TFAP2E: variants seen among roughly 807,000 people sequenced by gnomAD.
The protein encoded by TFAP2E is transcription factor AP-2-epsilon.
In TFAP2E, 30 loss-of-function variants were observed where a neutral mutation model predicts 37.9. That is an observed-to-expected ratio of 0.79 (90% CI 0.59 to 1.07). The LOEUF (loss-of-function observed/expected upper bound fraction) is 1.07. Ranked by LOEUF, TFAP2E falls within the 50% of genes least tolerant of loss-of-function variation. TFAP2E has a pLI of 0.00. For missense variants in TFAP2E, 567 were observed against 637.9 expected (o/e 0.89, Z 1.20); for synonymous variants, 318 against 295.8 (o/e 1.08, Z -0.77).
Position 35,573,909 on chromosome 1 carries a change from AC to A in TFAP2E, c.28-14del. On this transcript the variant is annotated splice_polypyrimidine_tract_variant and intron_variant, in intron 1 of 6. Transcript: ENST00000373235. The surrounding 1 kb of genome is among the most constrained non-coding windows in gnomAD (Gnocchi z 5.9). ...CAGCTGCCAGTGGGTCACCTAAGGC[AC>A]CCCTCTCCTTCCCCAGGAGCGCCCC... is the stretch of plus-strand genomic sequence containing the variant. 1 of 1,441,966 alleles carries A rather than the reference AC, an allele frequency of 6.9e-7. No homozygotes were observed. The highest frequency in any genetic ancestry group is 9.0e-7 in the Non-Finnish European group (1 of 1,111,708). 89.3% of individuals were successfully genotyped at this position (1,441,966 alleles called of 1,614,324 possible).
rs190129045 is a variant in TFAP2E, at chr1:35,582,989, G to A, written c.563-5341G>A. ...GCTATCTCAGCTCACTGCAACTTCC[G>A]CCTCCCGGGTTCAAGCGATTCTCCT... On this transcript the variant is annotated intron_variant, in intron 3 of 6. Transcript: ENST00000373235. Among the ~76,000 whole-genome samples, 772 of 151,744 alleles carry A rather than the reference G, an allele frequency of 5.1e-3. 1 individual carries two copies. The highest frequency in any genetic ancestry group is 0.01 in the Middle Eastern group (3 of 294).
chr1:35,580,464 A>G (rs1482348521), intron 3 of TFAP2E, among the ~76,000 whole-genome samples: 2 of 151,974 alleles, frequency 1.3e-5, no homozygotes, highest in Non-Finnish European at 1.5e-5. Context: ...GGTGCTTGTT[A>G]AAAATGCAAA....
Position 35,588,544 on chromosome 1 carries a change from C to G in TFAP2E, c.777C>G (p.Val259=). The G allele has an allele frequency of 6.3e-7, 1 of 1,579,418 alleles. No homozygotes were observed. The highest frequency in any genetic ancestry group is 8.6e-7 in the Non-Finnish European group (1 of 1,160,230). The change falls in exon 4 of 7, where the codon GTC becomes GTG. Residue 259 remains valine, a synonymous_variant. Coordinates refer to ENST00000373235, the MANE Select transcript of TFAP2E (RefSeq NM_178548.4). This position sits in a 1 kb window ranked among gnomAD's most constrained non-coding sequence, Gnocchi z 5.1. ...TCAACGCCTCCCTCCTGGGGGGTGT[C>G]CTCCGCAGGTAGGAAGGCCAGCCCA... ...ECLNASLLGG[V]LRRAKSKNGG...
chr1:35,583,603 A>AGTGTGTGTGTGTGTGT (rs201106841), intron 3 of TFAP2E, among the ~76,000 whole-genome samples: 4 of 138,006 alleles, frequency 2.9e-5, no homozygotes, highest in African/African-American at 5.3e-5. Context: ...TGTCTGCAGG[A>AGTGTGTGTGTGTGTGT]GTGTGTGTGT....
chr1:35,582,633 GCTCT>G (rs1340281182), intron 3 of TFAP2E, among the ~76,000 whole-genome samples: 1 of 148,700 alleles, frequency 6.7e-6, no homozygotes, highest in East Asian at 2.0e-4. Context: ...GTGAGCAACT[GCTCT>G]CTTTTTTTTT....
rs1271132942 is a variant in TFAP2E, at chr1:35,594,464, C to T, written c.1117C>T (p.Leu373Phe). 6.2e-7 allele frequency: 1 copy of T among 1,614,206 alleles called. No homozygotes were observed. Among genetic ancestry groups the T allele is most frequent in the Admixed American group, 1.7e-5 (1 of 60,026 alleles). Residue 373 changes from leucine (L) to phenylalanine (F), a missense_variant, in exon 7 of 7, where the codon CTC becomes TTC. Leu to Phe is a conservative substitution (Grantham distance 22). This residue lies in a region of TFAP2E where 252 missense variants were observed against 302.6 expected (regional missense o/e 0.83). Coordinates refer to ENST00000373235, the MANE Select transcript of TFAP2E (RefSeq NM_178548.4). ...RSPLGNSRPA[L>F]ILEPGVQSCL... The stretch of plus-strand genomic sequence containing the variant: ...ACCGCTGGGCAACAGCCGCCCAGCA[C>T]TCATCCTGGAGCCCGGAGTACAGAG...
Position 35,577,892 on chromosome 1 carries a change from G to A in TFAP2E, c.562+2892G>A, listed in dbSNP as rs1032232245. 6.6e-6 allele frequency among the ~76,000 whole-genome samples: 1 copy of A among 152,204 alleles called. No individual in the cohort carries two copies. The highest frequency in any genetic ancestry group is 2.4e-5 in the African/African-American group (1 of 41,444). On this transcript the variant is annotated intron_variant, in intron 3 of 6. Coordinates refer to ENST00000373235, the MANE Select transcript of TFAP2E (RefSeq NM_178548.4). The surrounding 1 kb of genome is among the most constrained non-coding windows in gnomAD (Gnocchi z 6.3). ...CTGAGGCCGACCCTAGGAGTATAAG[G>A]GAGCCCTCCATTTCCTGCCCACATT...
intron 6 of TFAP2E, among the ~76,000 whole-genome samples, chr1:35,593,865 C>T (rs753207549): frequency 1.3e-5 from 2 of 152,198 alleles, no homozygotes; most frequent in Non-Finnish European, 2.9e-5. Context: ...TCCAACCTGT[C>T]CGAAACCAGT....
At chr1:35,574,671 C>T (rs1649117096) in intron 2 of TFAP2E, 2 of 661,938 alleles carry the variant, frequency 3.0e-6, no homozygotes, top group African/African-American at 1.8e-5. Flanking sequence ...CCCGCTGCCA[C>T]GTGTGGCATC....
intron 2 of TFAP2E, 65 bp downstream of exon 2, chr1:35,574,474 G>A (rs1649111839): frequency 7.4e-7 from 1 of 1,355,538 alleles, no homozygotes; most frequent in South Asian, 1.8e-5. Context: ...ATGGCTGGAG[G>A]CAGAAGGTGA....
At position 35,573,591 on chromosome 1, in the gene TFAP2E, C is replaced by T; in HGVS notation, c.14C>T (p.Thr5Ile). The change falls in exon 1 of 7, where the codon ACC becomes ATC. Residue 5 changes from threonine to isoleucine, a missense_variant. Physicochemically the swap from Thr to Ile is moderately conservative, Grantham distance 89 (BLOSUM62 -1). Coordinates refer to ENST00000373235, the MANE Select transcript of TFAP2E (RefSeq NM_178548.4). This position sits in a 1 kb window ranked among gnomAD's most constrained non-coding sequence, Gnocchi z 5.9. ...ACTCACCGCCCCATGCTGGTGCACACCTACTCCGCCATGGTGAGTAGTCTC... is the reference window on the plus strand; with the variant it reads ...ACTCACCGCCCCATGCTGGTGCACATCTACTCCGCCATGGTGAGTAGTCTC... MLVHTYSAMERPDGL... is the reference protein window; with the variant it reads MLVHIYSAMERPDGL... 6.5e-7 allele frequency: 1 copy of T among 1,539,618 alleles called. No individual in the cohort carries two copies. The highest frequency in any genetic ancestry group is 8.7e-7 in the Non-Finnish European group (1 of 1,143,214).
At chr1:35,582,562 C>G (rs1456268138) in intron 3 of TFAP2E, among the ~76,000 whole-genome samples, 1 of 145,752 alleles carries the variant, frequency 6.9e-6, no homozygotes, top group Non-Finnish European at 1.5e-5. Context: ...AGGCTGGTCT[C>G]AAACTCCTGG....
chr1:35,577,395 C>T lies in TFAP2E; in HGVS notation c.562+2395C>T. 1 of 456,822 alleles carries T rather than the reference C, an allele frequency of 2.2e-6. No homozygotes were observed. The highest frequency in any genetic ancestry group is 4.4e-6 in the Non-Finnish European group (1 of 226,998). The allele number at this position is 456,822 out of a possible 1,614,324, so 28.3% of individuals were successfully genotyped here. ...TGGGGAGTGAATTAGCGCCCTCCTT[C>T]GTCCTCGGCCCTTCCGACGGCACGA... On this transcript the variant is annotated intron_variant, in intron 3 of 6. Coordinates refer to ENST00000373235, the MANE Select transcript of TFAP2E (RefSeq NM_178548.4). The surrounding 1 kb of genome is among the most constrained non-coding windows in gnomAD (Gnocchi z 6.3).
chr1:35,574,955 G>A lies in TFAP2E; in HGVS notation c.517G>A (p.Asp173Asn). 1 of 1,613,926 alleles carries A rather than the reference G, an allele frequency of 6.2e-7. No individual in the cohort carries two copies. Residue 173 changes from aspartate to asparagine, a missense_variant, in exon 3 of 7, where the codon GAC becomes AAC. Physicochemically the swap from Asp to Asn is conservative, Grantham distance 23. Around this residue, in one of 3 missense-constraint regions of TFAP2E, gnomAD observed 312 missense variants for 317.4 expected, o/e 0.98. Transcript: ENST00000373235. ...APGLEDLQAM[D>N]EPGMSLLDQS... is the part of the protein sequence containing the mutation. ...TGCCCTCTGCTATTTGCAGGCAATGGACGAGCCGGGAATGAGCCTCCTAGA... is the reference window on the plus strand; with the variant it reads ...TGCCCTCTGCTATTTGCAGGCAATGAACGAGCCGGGAATGAGCCTCCTAGA...
At chr1:35,591,809 C>T (rs1649695025) in intron 6 of TFAP2E, among the ~76,000 whole-genome samples, 1 of 152,202 alleles carries the variant, frequency 6.6e-6, no homozygotes, top group Non-Finnish European at 1.5e-5. Context: ...GTCTCAGCCT[C>T]CCGAGTAGCT....
At chr1:35,581,730 G>A (rs887527611) in intron 3 of TFAP2E, among the ~76,000 whole-genome samples, 17 of 150,374 alleles carry the variant, frequency 1.1e-4, no homozygotes, top group Admixed American at 6.0e-4. Context: ...GTGACACCAC[G>A]TCCGGCTAAT....
intron 6 of TFAP2E, among the ~76,000 whole-genome samples, chr1:35,592,068 C>T (rs1649703465): frequency 1.3e-5 from 2 of 152,064 alleles, no homozygotes; most frequent in African/African-American, 2.4e-5. Context: ...GCTGGTGGAT[C>T]GCTTGAGCCC....
At chr1:35,593,947 G>A (rs1442298367) in intron 6 of TFAP2E, among the ~76,000 whole-genome samples, 2 of 152,198 alleles carry the variant, frequency 1.3e-5, no homozygotes, top group Non-Finnish European at 2.9e-5. Flanking sequence ...CAGACAGTGT[G>A]GTTGGCACAG....
chr1:35,574,129 C>T lies in TFAP2E; in HGVS notation c.230C>T (p.Pro77Leu). 1 of 1,454,138 alleles carries T rather than the reference C, an allele frequency of 6.9e-7. No homozygotes were observed. The highest frequency in any genetic ancestry group is 1.3e-5 in the South Asian group (1 of 79,140). The allele number at this position is 1,454,138 out of a possible 1,614,324, so 90.1% of individuals were successfully genotyped here. ...GQAPDAAAAF[P>L]HLAGDPYGGL... Reference sequence around the variant, plus strand: ...GCGCCCGACGCCGCCGCAGCCTTTCCCCACCTGGCAGGGGACCCATATGGC... The same window carrying T: ...GCGCCCGACGCCGCCGCAGCCTTTCTCCACCTGGCAGGGGACCCATATGGC... Residue 77 changes from proline to leucine, a missense_variant, in exon 2 of 7, where the codon CCC becomes CTC. Transcript: ENST00000373235.
Sources: gnomAD v4.1 joint callset for allele counts (sites outside exome capture counted in the v4.1 genomes callset) on GRCh38, gnomAD v4.1.1 for gene constraint, gnomAD v4.1.1 regional missense constraint, Gnocchi (gnomAD v3.1) non-coding constraint, MANE v1.5 for transcripts, NCBI Gene and HGNC (gene_info 2026-07-23, HGNC 2026-07-21) for gene names.